Variants in CTNNA2 observed in about 807,000 individuals in gnomAD.
CTNNA2 encodes catenin alpha-2.
Under a neutral mutation model 101.0 loss-of-function variants are expected in CTNNA2, and 42 were observed. The ratio of observed to expected loss-of-function variants is 0.42; its 90% CI spans 0.32 to 0.54. The LOEUF (loss-of-function observed/expected upper bound fraction) is 0.54, where lower values mean the gene tolerates loss of function less well. Among genes scored for constraint, CTNNA2 ranks in the 20% least tolerant of loss-of-function variants. The probability of loss-of-function intolerance (pLI) is 0.14; values close to 1 mark genes in which losing one functional copy is unlikely to be tolerated. For missense variants in CTNNA2, 871 were observed against 1,223.1 expected (o/e 0.71, Z 4.29); for synonymous variants, 450 against 456.4 (o/e 0.99, Z 0.18).
chr2:80,379,186 G>A (rs1244969558), intron 7 of CTNNA2, among the ~76,000 whole-genome samples: 1 of 152,122 alleles, frequency 6.6e-6, no homozygotes, highest in Non-Finnish European at 1.5e-5. Flanking sequence ...CCTGTATCAG[G>A]ATCCTGGTTT....
chr2:79,233,501 G>T lies in CTNNA2; in HGVS notation c.-406+35425G>T, dbSNP rs60446762. 2.0e-3 allele frequency among the ~76,000 whole-genome samples: 309 copies of T among 152,276 alleles called. 1 individual carries two copies. Among genetic ancestry groups the T allele is most frequent in the African/African-American group, 7.0e-3 (293 of 41,564 alleles). On this transcript the variant is annotated intron_variant, in intron 2 of 21. Transcript: ENST00000466387. Reference sequence around the variant, plus strand: ...TGGCAGGTCTTAGAATATATTCTGTGTATGGATGACAAAAATATATATTCC... The same window carrying T: ...TGGCAGGTCTTAGAATATATTCTGTTTATGGATGACAAAAATATATATTCC...
At chr2:80,159,309 T>A (rs1704171063) in intron 7 of CTNNA2, among the ~76,000 whole-genome samples, 1 of 152,234 alleles carries the variant, frequency 6.6e-6, no homozygotes, top group Admixed American at 6.5e-5. Context: ...TTTAGTTTTT[T>A]AAGAAATTGC....
chr2:80,425,294 T>C (rs1282295782), intron 9 of CTNNA2, among the ~76,000 whole-genome samples: 1 of 152,204 alleles, frequency 6.6e-6, no homozygotes, highest in Non-Finnish European at 1.5e-5. Flanking sequence ...AGAGGGCTCA[T>C]TTAGATAAGT....
intron 3 of CTNNA2, among the ~76,000 whole-genome samples, chr2:79,777,616 G>T (rs1674074623): frequency 1.3e-5 from 2 of 152,118 alleles, no homozygotes; most frequent in South Asian, 4.1e-4. Flanking sequence ...TCTTCTCTGT[G>T]CAGAGCACTT....
intron 7 of CTNNA2, among the ~76,000 whole-genome samples, chr2:80,108,130 T>A (rs1331616780): frequency 6.6e-6 from 1 of 152,138 alleles, no homozygotes; most frequent in Admixed American, 6.5e-5. Context: ...TTAATGAGAA[T>A]CAAGCAGAGT....
Position 79,657,225 on chromosome 2 carries a change from A to C in CTNNA2, c.102+5567A>C, listed in dbSNP as rs192772529. ...CAAATTATGGAAAATATATAAAGAAAGAATATATAAAATTGTAAATGAGAA... is the reference window on the plus strand; with the variant it reads ...CAAATTATGGAAAATATATAAAGAACGAATATATAAAATTGTAAATGAGAA... On this transcript the variant is annotated intron_variant, in intron 2 of 18. Transcript: ENST00000402739. 2.6e-3 allele frequency among the ~76,000 whole-genome samples: 389 copies of C among 152,036 alleles called. 1 individual carries two copies. Among genetic ancestry groups the C allele is most frequent in the Non-Finnish European group, 3.7e-3 (250 of 67,844 alleles).
chr2:80,374,860 T>G (rs1197801042), intron 7 of CTNNA2, among the ~76,000 whole-genome samples: 2 of 152,020 alleles, frequency 1.3e-5, no homozygotes, highest in Non-Finnish European at 2.9e-5. Context: ...GGTTTAGCAC[T>G]CCACAATGTG....
At chr2:80,046,171 A>G (rs1175213699) in intron 7 of CTNNA2, among the ~76,000 whole-genome samples, 1 of 152,210 alleles carries the variant, frequency 6.6e-6, no homozygotes. Context: ...GACAGTGATA[A>G]CACAAGGAAG....
chr2:79,793,736 C>T, intron 3 of CTNNA2, among the ~76,000 whole-genome samples: 1 of 152,158 alleles, frequency 6.6e-6, no homozygotes, highest in South Asian at 2.1e-4. Flanking sequence ...ATCTTAGCCT[C>T]CTTCACCATT....
intron 2 of CTNNA2, among the ~76,000 whole-genome samples, chr2:79,708,097 A>C (rs2104794352): frequency 6.6e-6 from 1 of 152,324 alleles, no homozygotes; most frequent in African/African-American, 2.4e-5. Flanking sequence ...GTATTGTGGT[A>C]ATGCCCACTG....
intron 2 of CTNNA2, among the ~76,000 whole-genome samples, chr2:79,269,007 A>G (rs1299204310): frequency 2.0e-5 from 3 of 152,026 alleles, no homozygotes; most frequent in Non-Finnish European, 4.4e-5. Flanking sequence ...TGTGTGCGGA[A>G]TGGGAGCATT....
At chr2:80,203,596 C>T (rs553192372) in intron 7 of CTNNA2, among the ~76,000 whole-genome samples, 235 of 152,350 alleles carry the variant, frequency 1.5e-3, no homozygotes, top group African/African-American at 5.4e-3. Flanking sequence ...CACCTCCACT[C>T]CTGTGGCTTT....
chr2:79,621,946 C>G (rs1679023803), intron 1 of CTNNA2, among the ~76,000 whole-genome samples: 1 of 152,188 alleles, frequency 6.6e-6, no homozygotes, highest in Non-Finnish European at 1.5e-5. Context: ...TTTCTCAAAA[C>G]TGTCCAGGTC....
Position 79,500,811 on chromosome 2 carries a change from T to A in CTNNA2, c.-134-4243T>A, listed in dbSNP as rs757779246. The A allele has an allele frequency of 1.6e-4, 25 of 152,362 alleles. 1 individual carries two copies. The highest frequency in any genetic ancestry group is 3.5e-4 in the Non-Finnish European group (24 of 68,180). The allele number at this position is 152,362 out of a possible 1,614,324, so 9.4% of individuals were successfully genotyped here. On this transcript the variant is annotated intron_variant, in intron 4 of 21. Transcript: ENST00000466387. ...ATCCACCTTCAGCTTCAATGGTCCC[T>A]CTTGCATGGTTCTAGGACAAGCTGC... is the stretch of plus-strand genomic sequence containing the variant.
intron 8 of CTNNA2, among the ~76,000 whole-genome samples, chr2:80,393,532 C>T (rs1677720072): frequency 6.6e-6 from 1 of 152,156 alleles, no homozygotes; most frequent in South Asian, 2.1e-4. Flanking sequence ...TCCAATCTGT[C>T]CCAGTGGAGA....
intron 7 of CTNNA2, among the ~76,000 whole-genome samples, chr2:80,175,391 T>C (rs573888369): frequency 1.3e-5 from 2 of 152,350 alleles, no homozygotes; most frequent in East Asian, 1.9e-4. Flanking sequence ...TACGCATTAA[T>C]AATTCCTCAC....
At chr2:80,247,539 C>T (rs1671419896) in intron 7 of CTNNA2, among the ~76,000 whole-genome samples, 1 of 152,204 alleles carries the variant, frequency 6.6e-6, no homozygotes, top group South Asian at 2.1e-4. Context: ...GGTAGCTTAT[C>T]TCCAACAAGT....
intron 1 of CTNNA2, among the ~76,000 whole-genome samples, chr2:79,515,471 T>C (rs186939595): frequency 1.3e-5 from 2 of 152,222 alleles, no homozygotes; most frequent in Admixed American, 6.5e-5. Flanking sequence ...TCTTTCTTTG[T>C]TGCAGTTTTT....
chr2:79,629,226 G>T (rs1679525992), intron 1 of CTNNA2, among the ~76,000 whole-genome samples: 1 of 151,592 alleles, frequency 6.6e-6, no homozygotes, highest in South Asian at 2.1e-4. Context: ...TAAGTTAAAA[G>T]ATATGAAAAT....
Sources: allele counts gnomAD v4.1 joint callset (sites outside exome capture counted in the v4.1 genomes callset), GRCh38; gene constraint gnomAD v4.1.1; transcripts MANE v1.5; gene names NCBI Gene and HGNC (gene_info 2026-07-23, HGNC 2026-07-21).